The following SHISA9 variants were observed in gnomAD, a reference collection of about 807,000 sequenced individuals.
The protein encoded by SHISA9 is protein shisa-9.
A neutral mutation model predicts 38.0 loss-of-function variants in SHISA9; 13 were observed. The observed-to-expected ratio is 0.34, with a 90% CI of 0.22 to 0.54. SHISA9 has a LOEUF of 0.54. SHISA9 is among the 20% of genes least tolerant of loss of function. The pLI is 0.91. For missense variants in SHISA9, 538 were observed against 575.8 expected (o/e 0.93, Z 0.67); for synonymous variants, 275 against 242.0 (o/e 1.14, Z -1.27).
chr16:13,469,365 A>AAGAAAGAAAAGAAAAAAG, the SHISA9 span, among the ~76,000 whole-genome samples: 1 of 64,456 alleles, frequency 1.6e-5, no homozygotes, highest in Non-Finnish European at 3.1e-5. Flanking sequence ...AAAGAAAAGA[A>AAGAAAGAAAAGAAAAAAG]AAAGAAAGAA....
the SHISA9 span, among the ~76,000 whole-genome samples, chr16:13,352,809 T>G: frequency 7.3e-5 from 10 of 136,476 alleles, no homozygotes; most frequent in South Asian, 2.4e-4. Context: ...AGGTGCTCAG[T>G]GGGGGAGCTT....
At chr16:13,371,930 C>T in the SHISA9 span, among the ~76,000 whole-genome samples, 1 of 152,212 alleles carries the variant, frequency 6.6e-6, no homozygotes, top group Non-Finnish European at 1.5e-5. Flanking sequence ...AGAGTCACAG[C>T]AGCTGCCTAG....
chr16:13,284,620 CAG>C, the SHISA9 span, among the ~76,000 whole-genome samples: 2 of 152,078 alleles, frequency 1.3e-5, no homozygotes, highest in Non-Finnish European at 2.9e-5. Context: ...TACTGTAAGA[CAG>C]AGTCTTGCTC....
chr16:13,046,195 G>A (rs1452741708), intron 2 of SHISA9, among the ~76,000 whole-genome samples: 2 of 152,164 alleles, frequency 1.3e-5, no homozygotes, highest in Non-Finnish European at 2.9e-5. Flanking sequence ...TTGTGGCCAA[G>A]ATGAATAATG....
chr16:13,043,788 G>A (rs529574464), intron 2 of SHISA9, among the ~76,000 whole-genome samples: 329 of 152,214 alleles, frequency 2.2e-3, no homozygotes, highest in African/African-American at 7.6e-3. Flanking sequence ...TTTACTGACT[G>A]ATCCTTCAGA....
chr16:13,127,584 G>T (rs1228139858), intron 2 of SHISA9, among the ~76,000 whole-genome samples: 1 of 151,908 alleles, frequency 6.6e-6, no homozygotes, highest in African/African-American at 2.4e-5. Context: ...AGAAGGGGAG[G>T]GAGAGCAGCT....
At chr16:13,179,235 C>G (rs1004040141) in intron 2 of SHISA9, among the ~76,000 whole-genome samples, 1 of 152,162 alleles carries the variant, frequency 6.6e-6, no homozygotes, top group African/African-American at 2.4e-5. Context: ...GGGAGAACAA[C>G]CAGGAGGCGG....
At chr16:12,964,878 T>G (rs537676542) in intron 2 of SHISA9, among the ~76,000 whole-genome samples, 1 of 152,342 alleles carries the variant, frequency 6.6e-6, no homozygotes, top group Non-Finnish European at 1.5e-5. Context: ...GAGAACATAC[T>G]TCTATTATAA....
rs138506625 is a variant in SHISA9 at position 13,232,536 on chromosome 16, T to C, written c.896-2494T>C. 6.2e-4 allele frequency among the ~76,000 whole-genome samples: 94 copies of C among 152,322 alleles called. 2 individuals are homozygous for C. In the East Asian group the frequency reaches 0.017, roughly 27 times the overall value. On this transcript the variant is annotated intron_variant, in intron 4 of 4. Coordinates refer to ENST00000558583, the MANE Select transcript of SHISA9 (RefSeq NM_001145204.3). ...ATTCTGAGCCAAATAGGAGTGACCATGGCCCATGACACAGCCCTCAGGAGT... is the reference window on the plus strand; with the variant it reads ...ATTCTGAGCCAAATAGGAGTGACCACGGCCCATGACACAGCCCTCAGGAGT...
In SHISA9 at chr16:12,913,426, A is replaced by T. The variant is rs569527849; in HGVS notation, c.564-3262A>T. 7.8e-4 allele frequency among the ~76,000 whole-genome samples: 119 copies of T among 152,234 alleles called. 1 individual carries two copies. The highest frequency in any genetic ancestry group is 2.8e-3 in the African/African-American group (116 of 41,542). ...TGGCCAGGCTGGTCTTGAAATCCTGATCTCAGGTGATCCACCCGTCTTGGC... is the reference window on the plus strand; with the variant it reads ...TGGCCAGGCTGGTCTTGAAATCCTGTTCTCAGGTGATCCACCCGTCTTGGC... On this transcript the variant is annotated intron_variant, in intron 1 of 4. Transcript: ENST00000558583.
chr16:13,257,456 G>A, the SHISA9 span, among the ~76,000 whole-genome samples: 5 of 152,104 alleles, frequency 3.3e-5, no homozygotes, highest in African/African-American at 7.2e-5. Flanking sequence ...GGACAATATC[G>A]GGTATACTGT....
At chr16:13,030,516 T>C (rs1267528346) in intron 2 of SHISA9, among the ~76,000 whole-genome samples, 3 of 152,184 alleles carry the variant, frequency 2.0e-5, no homozygotes, top group Non-Finnish European at 4.4e-5. Context: ...CCCGTTCCCC[T>C]TTTTGAGATC....
chr16:12,922,923 C>T (rs7204187), intron 2 of SHISA9, among the ~76,000 whole-genome samples: 4 of 151,978 alleles, frequency 2.6e-5, no homozygotes, highest in Non-Finnish European at 5.9e-5. Flanking sequence ...AAAATGCTTT[C>T]TATTGTCACA....
At chr16:13,439,419 CTTGA>C in the SHISA9 span, among the ~76,000 whole-genome samples, 1 of 152,178 alleles carries the variant, frequency 6.6e-6, no homozygotes, top group African/African-American at 2.4e-5. Flanking sequence ...TGTTAATTAA[CTTGA>C]TTGTGGTAAT....
the SHISA9 span, among the ~76,000 whole-genome samples, chr16:13,393,958 A>G: frequency 6.6e-6 from 1 of 151,860 alleles, no homozygotes; most frequent in Non-Finnish European, 1.5e-5. Flanking sequence ...ATGCACTCAC[A>G]CTCTTTGCCA....
Position 13,027,929 on chromosome 16 carries a change from AAAAC to A in SHISA9, c.691+111118_691+111121del, listed in dbSNP as rs1217561666. ...GTGACTAGAGTGAAGCTCTGTCTCAAAAACAAAAAAAAAAAAAAAAAAAAAGAAT... is the reference window on the plus strand; with the variant it reads ...GTGACTAGAGTGAAGCTCTGTCTCAAAAAAAAAAAAAAAAAAAAAAAGAAT... On this transcript the variant is annotated intron_variant, in intron 2 of 4. Coordinates refer to ENST00000558583, the MANE Select transcript of SHISA9 (RefSeq NM_001145204.3). 2.6e-5 allele frequency among the ~76,000 whole-genome samples: 3 copies of A among 115,078 alleles called. 1 individual carries two copies. The highest frequency in any genetic ancestry group is 6.0e-5 in the Non-Finnish European group (3 of 50,126). The allele number at this position is 115,078 out of a possible 152,430, so 75.5% of individuals were successfully genotyped here. A position where few individuals can be genotyped will look rare whatever the true frequency, so the allele number is the denominator to read the frequency against.
chr16:13,015,696 C>CG (rs1184728327), intron 2 of SHISA9, among the ~76,000 whole-genome samples: 2 of 152,012 alleles, frequency 1.3e-5, no homozygotes, highest in Non-Finnish European at 2.9e-5. Flanking sequence ...TTACCCTATG[C>CG]GTAGATACAC....
At chr16:13,117,668 G>C (rs1407944991) in intron 2 of SHISA9, among the ~76,000 whole-genome samples, 2 of 152,156 alleles carry the variant, frequency 1.3e-5, no homozygotes, top group African/African-American at 4.8e-5. Context: ...ACAAGGGATG[G>C]GTTCTTCCCT....
At chr16:13,435,997 C>T in the SHISA9 span, among the ~76,000 whole-genome samples, 1 of 152,136 alleles carries the variant, frequency 6.6e-6, no homozygotes, top group Non-Finnish European at 1.5e-5. Context: ...TCAAAAGTCA[C>T]TGTTGGGGCA....
Sources: allele counts gnomAD v4.1 joint callset (sites outside exome capture counted in the v4.1 genomes callset), GRCh38; gene constraint gnomAD v4.1.1; transcripts MANE v1.5; gene names NCBI Gene and HGNC (gene_info 2026-07-23, HGNC 2026-07-21).